GRID2: variants seen among roughly 807,000 people sequenced by gnomAD.
GRID2 encodes the protein glutamate ionotropic receptor delta type subunit 2.
A neutral mutation model predicts 114.8 loss-of-function variants in GRID2; 33 were observed. The observed-to-expected ratio is 0.29, with a 90% confidence interval of 0.22 to 0.38. The LOEUF (loss-of-function observed/expected upper bound fraction) is 0.38. Among genes scored for constraint, GRID2 ranks in the 10% least tolerant of loss-of-function variants. The pLI, the probability that GRID2 is intolerant of heterozygous loss-of-function variation, is 1.00. For missense variants in GRID2, 1,184 were observed against 1,257.7 expected (o/e 0.94, Z 0.89); for synonymous variants, 505 against 449.9 (o/e 1.12, Z -1.55).
intron 1 of GRID2, among the ~76,000 whole-genome samples, chr4:92,398,201 A>G (rs1322842946): frequency 6.6e-6 from 1 of 152,148 alleles, no homozygotes; most frequent in Non-Finnish European, 1.5e-5. Flanking sequence ...ATATAAAGAT[A>G]TGAAAGTATC....
At chr4:93,592,822 T>G (rs1363337515) in intron 13 of GRID2, among the ~76,000 whole-genome samples, 1 of 152,234 alleles carries the variant, frequency 6.6e-6, no homozygotes, top group Non-Finnish European at 1.5e-5. Context: ...TGGCCTTCTT[T>G]GTCTCTTTTG....
chr4:92,942,017 G>T (rs765033179), intron 2 of GRID2, among the ~76,000 whole-genome samples: 4 of 152,104 alleles, frequency 2.6e-5, no homozygotes, highest in African/African-American at 4.8e-5. Flanking sequence ...AATAGGTGTG[G>T]TGTGGTCCTG....
At chr4:93,296,865 G>A (rs986942544) in intron 8 of GRID2, among the ~76,000 whole-genome samples, 4 of 152,150 alleles carry the variant, frequency 2.6e-5, no homozygotes, top group Non-Finnish European at 5.9e-5. Flanking sequence ...AATTTTCAAA[G>A]CATTGCATAC....
rs1466632378 is a variant in GRID2, at chr4:92,304,062, C to T, written c.-595C>T. 6.5e-6 allele frequency: 1 copy of T among 154,396 alleles called. No individual in the cohort carries two copies. Among genetic ancestry groups the T allele is most frequent in the South Asian group, 2.0e-4 (1 of 4,910 alleles). The allele number at this position is 154,396 out of a possible 1,614,324, so 9.6% of individuals were successfully genotyped here. On this transcript the variant is annotated 5_prime_UTR_variant, in exon 1 of 16. Transcript: ENST00000282020. ...TTACTATCTGCATTACCTTGAAGTTCACTTTTTCTACCCCTCTTGGAGAGG... is the reference window on the plus strand; with the variant it reads ...TTACTATCTGCATTACCTTGAAGTTTACTTTTTCTACCCCTCTTGGAGAGG...
chr4:92,843,760 A>G (rs1374105048), intron 2 of GRID2, among the ~76,000 whole-genome samples: 1 of 152,154 alleles, frequency 6.6e-6, no homozygotes, highest in African/African-American at 2.4e-5. Flanking sequence ...TCAAATATTT[A>G]TAAATATCTT....
At chr4:93,410,553 C>T (rs532018327) in intron 9 of GRID2, among the ~76,000 whole-genome samples, 2 of 152,268 alleles carry the variant, frequency 1.3e-5, no homozygotes, top group Admixed American at 6.5e-5. Context: ...TCTTCAACAT[C>T]TTCTGATTCT....
At chr4:92,902,843 A>G (rs998875662) in intron 2 of GRID2, among the ~76,000 whole-genome samples, 17 of 151,768 alleles carry the variant, frequency 1.1e-4, no homozygotes, top group African/African-American at 3.9e-4. Context: ...CTAGTGATCT[A>G]TATTTTGATT....
intron 11 of GRID2, among the ~76,000 whole-genome samples, chr4:93,469,553 G>GA (rs899802702): frequency 1.6e-4 from 24 of 150,114 alleles, no homozygotes; most frequent in Admixed American, 4.0e-4. Flanking sequence ...TTCACTCACA[G>GA]AAAAAAAAAT....
intron 2 of GRID2, among the ~76,000 whole-genome samples, chr4:92,740,746 A>G (rs375855772): frequency 6.2e-5 from 9 of 144,622 alleles, no homozygotes; most frequent in African/African-American, 2.0e-4. Context: ...ATAGATGGAT[A>G]GATAGATAGA....
At chr4:93,746,012 G>A (rs1731810286) in intron 14 of GRID2, among the ~76,000 whole-genome samples, 1 of 152,072 alleles carries the variant, frequency 6.6e-6, no homozygotes, top group Non-Finnish European at 1.5e-5. Flanking sequence ...GTAAATAGAA[G>A]TACTGCAGAT....
In GRID2 at chr4:93,636,436, C is replaced by G. The variant is rs564112030; in HGVS notation, c.2360+10001C>G. ...ACTTGAAAATACACACACACACATG[C>G]GCACACATACACACGCACACACACA... On this transcript the variant is annotated intron_variant, in intron 14 of 15. Coordinates refer to ENST00000282020, the MANE Select transcript of GRID2 (RefSeq NM_001510.4). Among the ~76,000 whole-genome samples the G allele has an allele frequency of 3.3e-5, 5 of 151,998 alleles. No homozygotes were observed. In the South Asian group the frequency reaches 1.0e-3, roughly 32 times the overall value.
intron 2 of GRID2, among the ~76,000 whole-genome samples, chr4:92,818,415 A>G (rs1188580126): frequency 2.0e-5 from 3 of 152,132 alleles, no homozygotes; most frequent in Non-Finnish European, 4.4e-5. Flanking sequence ...ATGGGTGTTG[A>G]AAGATAATGA....
chr4:92,556,795 T>C (rs1726870422), intron 1 of GRID2, among the ~76,000 whole-genome samples: 1 of 152,104 alleles, frequency 6.6e-6, no homozygotes, highest in African/African-American at 2.4e-5. Context: ...GCCTCTCTAG[T>C]TAGTATGAGC....
At chr4:93,206,094 G>T (rs979219335) in intron 4 of GRID2, among the ~76,000 whole-genome samples, 4 of 151,596 alleles carry the variant, frequency 2.6e-5, no homozygotes, top group Non-Finnish European at 5.9e-5. Flanking sequence ...AATTAAAAAT[G>T]ATAATAATAA....
chr4:93,110,985 T>C, intron 4 of GRID2, 32 bp downstream of exon 4: 1 of 1,358,002 alleles, frequency 7.4e-7, no homozygotes, highest in Non-Finnish European at 1.1e-6. Flanking sequence ...GTGAGAGTTG[T>C]ACAAAACAAT....
intron 2 of GRID2, among the ~76,000 whole-genome samples, chr4:92,772,663 C>T (rs994234992): frequency 3.3e-5 from 5 of 152,194 alleles, no homozygotes; most frequent in East Asian, 1.9e-4. Context: ...TATAAATTTG[C>T]GACCCCATGT....
chr4:92,806,947 T>C (rs1176970685), intron 2 of GRID2, among the ~76,000 whole-genome samples: 1 of 151,904 alleles, frequency 6.6e-6, no homozygotes, highest in East Asian at 1.9e-4. Flanking sequence ...ATGACATATG[T>C]TGTGGGACAT....
At chr4:93,795,862 G>T (rs1467083681) in intron 1 of GRID2, among the ~76,000 whole-genome samples, 2 of 152,220 alleles carry the variant, frequency 1.3e-5, no homozygotes, top group Non-Finnish European at 2.9e-5. Context: ...ATGTACTGCA[G>T]CTAGTTGGGG....
chr4:93,017,165 A>T (rs1043383808), intron 2 of GRID2, among the ~76,000 whole-genome samples: 21 of 152,300 alleles, frequency 1.4e-4, no homozygotes, highest in African/African-American at 4.3e-4. Context: ...GGGATTTTTT[A>T]AAAAATTTGG....
Sources: gnomAD v4.1 joint callset for allele counts (sites outside exome capture counted in the v4.1 genomes callset) on GRCh38, gnomAD v4.1.1 for gene constraint, MANE v1.5 for transcripts, NCBI Gene and HGNC (gene_info 2026-07-23, HGNC 2026-07-21) for gene names.